FBXL7: variants seen among roughly 807,000 people sequenced by gnomAD.
FBXL7 encodes F-box/LRR-repeat protein 7.
FBXL7 carries 12 observed loss-of-function variants against 38.3 expected under a neutral mutation model. The ratio of observed to expected loss-of-function variants is 0.31; its 90% CI spans 0.20 to 0.51. The LOEUF (loss-of-function observed/expected upper bound fraction) is 0.51, where lower values mean the gene tolerates loss of function less well. FBXL7 is among the 20% of genes least tolerant of loss of function. FBXL7 has a pLI of 0.98. For missense variants in FBXL7, 567 were observed against 676.4 expected, an observed-to-expected ratio of 0.84 and a Z score of 1.79; for synonymous variants, 297 against 300.9, an observed-to-expected ratio of 0.99 and a Z score of 0.13.
At chr5:15,765,389 A>C (rs1259714942) in intron 2 of FBXL7, among the ~76,000 whole-genome samples, 1 of 152,120 alleles carries the variant, frequency 6.6e-6, no homozygotes, top group East Asian at 1.9e-4. Flanking sequence ...TCTGACAGAA[A>C]AGCACATCAA....
intron 2 of FBXL7, among the ~76,000 whole-genome samples, chr5:15,618,926 G>T (rs1176674885): frequency 1.3e-5 from 2 of 152,148 alleles, no homozygotes; most frequent in Non-Finnish European, 1.5e-5. Context: ...TACTCATATA[G>T]GCCTTAGAAA....
At chr5:15,899,428 T>A (rs1177501204) in intron 2 of FBXL7, among the ~76,000 whole-genome samples, 1 of 152,240 alleles carries the variant, frequency 6.6e-6, no homozygotes, top group African/African-American at 2.4e-5. Context: ...ATTCAAGTGT[T>A]CTGCTGATTG....
intron 2 of FBXL7, among the ~76,000 whole-genome samples, chr5:15,704,844 T>A (rs1743632253): frequency 6.6e-6 from 1 of 152,176 alleles, no homozygotes; most frequent in Non-Finnish European, 1.5e-5. Flanking sequence ...CTCTTCTGTT[T>A]TACCTAATTT....
At chr5:15,677,484 G>A (rs1742701307) in intron 2 of FBXL7, among the ~76,000 whole-genome samples, 1 of 151,498 alleles carries the variant, frequency 6.6e-6, no homozygotes, top group Non-Finnish European at 1.5e-5. Flanking sequence ...AAGAGAGAGA[G>A]AGAGAGAAAG....
chr5:15,715,379 T>C (rs1337133544), intron 2 of FBXL7, among the ~76,000 whole-genome samples: 7 of 150,954 alleles, frequency 4.6e-5, no homozygotes, highest in African/African-American at 1.7e-4. Flanking sequence ...TAATTCCAGC[T>C]ACTCGGGAGG....
chr5:15,577,419 T>G (rs1425675567), intron 1 of FBXL7, among the ~76,000 whole-genome samples: 2 of 152,160 alleles, frequency 1.3e-5, no homozygotes, highest in Non-Finnish European at 2.9e-5. Context: ...ATGGAAAGTG[T>G]CTATGTGACA....
At chr5:15,893,540 A>G (rs1579580438) in intron 2 of FBXL7, among the ~76,000 whole-genome samples, 1 of 152,256 alleles carries the variant, frequency 6.6e-6, no homozygotes, top group Admixed American at 6.5e-5. Context: ...CATAGTACCT[A>G]TTGAATTTCA....
chr5:15,795,631 A>G (rs186162919), intron 2 of FBXL7, among the ~76,000 whole-genome samples: 2 of 152,344 alleles, frequency 1.3e-5, no homozygotes, highest in Non-Finnish European at 2.9e-5. Flanking sequence ...CTGCCAACTA[A>G]TGATGTGTCT....
At position 15,794,425 on chromosome 5, in the gene FBXL7, T is replaced by C. The variant is rs551125819; in HGVS notation, c.128-133465T>C. Reference sequence around the variant, plus strand: ...TTATGTTTGCCAAATGTTTTTGTTTTAAGGCCATCAGCATTTTATAGGCTC... The same window carrying C: ...TTATGTTTGCCAAATGTTTTTGTTTCAAGGCCATCAGCATTTTATAGGCTC... On this transcript the variant is annotated intron_variant, in intron 2 of 3. Coordinates refer to ENST00000504595, the MANE Select transcript of FBXL7 (RefSeq NM_012304.5). Among the ~76,000 whole-genome samples the C allele has an allele frequency of 1.1e-4, 16 of 152,340 alleles. No homozygotes were observed. The South Asian group carries it at 3.3e-3, about 32-fold the overall frequency.
In FBXL7 at chr5:15,928,256, A is replaced by T. The variant is rs1333314094; in HGVS notation, c.494A>T (p.Asn165Ile). ...RTIRLTGETINVDRALKVLTR... is the reference protein window; with the variant it reads ...RTIRLTGETIIVDRALKVLTR... ...ATCCGCCTGACGGGCGAGACCATCA[A>T]CGTGGACCGCGCCCTCAAGGTGCTG... The change falls in exon 3 of 4, where the codon AAC becomes ATC. Residue 165 changes from asparagine (N) to isoleucine (I), a missense_variant. Coordinates refer to ENST00000504595, the MANE Select transcript of FBXL7 (RefSeq NM_012304.5). This position sits in a 1 kb window ranked among gnomAD's most constrained non-coding sequence, Gnocchi z 4.0. 1 of 1,612,128 alleles carries T rather than the reference A, an allele frequency of 6.2e-7. No homozygotes were observed. The highest frequency in any genetic ancestry group is 2.2e-5 in the East Asian group (1 of 44,820).
chr5:15,611,687 G>T (rs1156436963), intron 1 of FBXL7, among the ~76,000 whole-genome samples: 1 of 151,994 alleles, frequency 6.6e-6, no homozygotes, highest in Non-Finnish European at 1.5e-5. Context: ...CAAGTTATGA[G>T]AATCAACTGT....
chr5:15,571,890 T>C (rs552788600), intron 1 of FBXL7, among the ~76,000 whole-genome samples: 2 of 152,050 alleles, frequency 1.3e-5, no homozygotes, highest in Non-Finnish European at 2.9e-5. Flanking sequence ...GTGGGGTGGT[T>C]CAGACTGTGG....
At chr5:15,711,726 A>C (rs1743882042) in intron 2 of FBXL7, among the ~76,000 whole-genome samples, 1 of 152,204 alleles carries the variant, frequency 6.6e-6, no homozygotes, top group African/African-American at 2.4e-5. Flanking sequence ...CCTATTGTGA[A>C]GATCCTGAAA....
chr5:15,849,363 G>T (rs1739022915), intron 2 of FBXL7, among the ~76,000 whole-genome samples: 2 of 152,166 alleles, frequency 1.3e-5, no homozygotes, highest in Admixed American at 1.3e-4. Flanking sequence ...CAAATTCCTT[G>T]ATATGGTTTG....
intron 1 of FBXL7, among the ~76,000 whole-genome samples, chr5:15,608,815 T>C (rs527767366): frequency 1.3e-5 from 2 of 152,268 alleles, no homozygotes; most frequent in African/African-American, 4.8e-5. Context: ...AAAAATCATA[T>C]ATATTCACAC....
intron 2 of FBXL7, among the ~76,000 whole-genome samples, chr5:15,748,426 G>A (rs914783928): frequency 3.9e-5 from 6 of 152,248 alleles, no homozygotes; most frequent in Non-Finnish European, 5.9e-5. Context: ...GCCAGGTGGA[G>A]ATAATTGAAT....
chr5:15,807,897 C>A (rs1409375475), intron 2 of FBXL7, among the ~76,000 whole-genome samples: 1 of 152,144 alleles, frequency 6.6e-6, no homozygotes, highest in Non-Finnish European at 1.5e-5. Context: ...CATTACAATA[C>A]AATCCACTCT....
At chr5:15,758,562 C>A (rs1736359997) in intron 2 of FBXL7, among the ~76,000 whole-genome samples, 1 of 152,072 alleles carries the variant, frequency 6.6e-6, no homozygotes, top group African/African-American at 2.4e-5. Flanking sequence ...TATTATGGTT[C>A]TTATACCTAA....
At chr5:15,839,749 C>T (rs1738692716) in intron 2 of FBXL7, among the ~76,000 whole-genome samples, 1 of 151,934 alleles carries the variant, frequency 6.6e-6, no homozygotes, top group Admixed American at 6.6e-5. Context: ...CTTCCTCCTC[C>T]TTTTCTTTTT....
Sources: gnomAD v4.1 joint callset for allele counts (sites outside exome capture counted in the v4.1 genomes callset) on GRCh38, gnomAD v4.1.1 for gene constraint, Gnocchi (gnomAD v3.1) non-coding constraint, MANE v1.5 for transcripts, NCBI Gene and HGNC (gene_info 2026-07-23, HGNC 2026-07-21) for gene names.